SLC46A2: variants seen among roughly 807,000 people sequenced by gnomAD.
SLC46A2 encodes the protein solute carrier family 46 member 2, also known as thymic stromal co-transporter.
In SLC46A2, 25 loss-of-function variants were observed where a neutral mutation model predicts 33.1. The ratio of observed to expected loss-of-function variants is 0.76; its 90% CI spans 0.55 to 1.06. The LOEUF (loss-of-function observed/expected upper bound fraction) is 1.06, where lower values mean the gene tolerates loss of function less well. SLC46A2 is among the 50% of genes least tolerant of loss of function. The pLI is 0.00. For synonymous variants in SLC46A2, 254 were observed against 275.9 expected (o/e 0.92, Z 0.79); for missense variants, 622 against 621.7 (o/e 1.00, Z 0.00).
chr9:112,886,701 G>A (rs986551881), intron 2 of SLC46A2, 85 bp from the exon 3 acceptor site: 6 of 1,434,562 alleles, frequency 4.2e-6, no homozygotes, highest in African/African-American at 2.8e-5. Flanking sequence ...GAGTTCTTAG[G>A]GGACCCTTCC....
At chr9:112,889,311 C>T (rs1438422374) in intron 1 of SLC46A2, among the ~76,000 whole-genome samples, 1 of 152,090 alleles carries the variant, frequency 6.6e-6, no homozygotes, top group East Asian at 1.9e-4. Flanking sequence ...GACCACACCT[C>T]CTTGACTGCC....
At chr9:112,888,771 A>T (rs1226193334) in intron 1 of SLC46A2, among the ~76,000 whole-genome samples, 1 of 152,124 alleles carries the variant, frequency 6.6e-6, no homozygotes, top group African/African-American at 2.4e-5. Context: ...GAAGGCATTT[A>T]CCGAGTATTT....
intron 3 of SLC46A2, chr9:112,881,520 A>T (rs1158492197): frequency 6.6e-6 from 1 of 152,376 alleles, no homozygotes; most frequent in Non-Finnish European, 1.5e-5. Flanking sequence ...CACAGGCACA[A>T]GGCGATGGCC....
Position 112,889,957 on chromosome 9 carries a change from G to A in SLC46A2, c.725C>T (p.Ala242Val), listed in dbSNP as rs1481352087. 2 of 1,614,064 alleles carry A rather than the reference G, an allele frequency of 1.2e-6. No individual in the cohort carries two copies. The highest frequency in any genetic ancestry group is 2.7e-5 in the African/African-American group (2 of 74,940). Reference protein sequence around the residue: ...SVAKPSQELPAVDTVSGTVGT... With the variant: ...SVAKPSQELPVVDTVSGTVGT... Reference sequence around the variant, plus strand: ...AACCGTGCCAGACACGGTATCCACGGCGGGGAGCTCCTGGCTGGGTTTGGC... The same window carrying A: ...AACCGTGCCAGACACGGTATCCACGACGGGGAGCTCCTGGCTGGGTTTGGC... Residue 242 changes from alanine to valine, a missense_variant, in exon 1 of 4, where the codon GCC becomes GTC. By Grantham distance (64) the Ala-to-Val change is moderately conservative (BLOSUM62 0). Coordinates refer to ENST00000374228, the MANE Select transcript of SLC46A2 (RefSeq NM_033051.4).
intron 1 of SLC46A2, among the ~76,000 whole-genome samples, chr9:112,888,347 G>C (rs114989564): frequency 0.018 from 2,762 of 152,108 alleles, 88 homozygotes; most frequent in African/African-American, 0.061. Context: ...AAGGGGAAGG[G>C]GGTACTCTGT....
intron 3 of SLC46A2, among the ~76,000 whole-genome samples, 177 bp downstream of exon 3, chr9:112,886,283 A>T (rs1202799325): frequency 1.3e-5 from 2 of 152,216 alleles, no homozygotes; most frequent in East Asian, 3.8e-4. Flanking sequence ...TGAAATGGCC[A>T]CATTTTTAGT....
At chr9:112,888,433 C>A (rs1407400380) in intron 1 of SLC46A2, among the ~76,000 whole-genome samples, 1 of 152,194 alleles carries the variant, frequency 6.6e-6, no homozygotes, top group Non-Finnish European at 1.5e-5. Flanking sequence ...GTGTGACCTG[C>A]CTGGGCCAAG....
intron 1 of SLC46A2, 43 bp from the exon 2 acceptor site, chr9:112,887,456 C>A (rs746507327): frequency 6.5e-7 from 1 of 1,543,542 alleles, no homozygotes; most frequent in Non-Finnish European, 8.8e-7. Context: ...GTAGCCCAGC[C>A]TGGGCCAAGG....
At chr9:112,888,873 G>GTTTT (rs35381661) in intron 1 of SLC46A2, among the ~76,000 whole-genome samples, 344 of 139,262 alleles carry the variant, frequency 2.5e-3, no homozygotes, top group East Asian at 5.8e-3. Context: ...ACTCCTCCAC[G>GTTTT]TTTTTTTTTT....
rs185549243 is a variant in SLC46A2, at chr9:112,882,103, T to C, written c.1371-2284A>G. On this transcript the variant is annotated intron_variant, in intron 3 of 3. Coordinates refer to ENST00000374228, the MANE Select transcript of SLC46A2 (RefSeq NM_033051.4). ...ATAGTAAGACATTCATTTTTTGTTG[T>C]TGTTGTTTTTGTTTCTTTTTTGAGA... Among the ~76,000 whole-genome samples the C allele has an allele frequency of 1.7e-3, 252 of 152,142 alleles. 1 individual carries two copies. Among genetic ancestry groups the C allele is most frequent in the Middle Eastern group, 3.4e-3 (1 of 294 alleles).
chr9:112,879,462 T>A lies in SLC46A2; in HGVS notation c.*300A>T, dbSNP rs912329155. 1.3e-5 allele frequency: 4 copies of A among 298,370 alleles called. No individual in the cohort carries two copies. The highest frequency in any genetic ancestry group is 4.6e-5 in the Admixed American group (1 of 21,944). 18.5% of individuals were successfully genotyped at this position (298,370 alleles called of 1,614,324 possible). On this transcript the variant is annotated 3_prime_UTR_variant, in exon 4 of 4. Coordinates refer to ENST00000374228, the MANE Select transcript of SLC46A2 (RefSeq NM_033051.4). ...GGAGTCTGAAGCCCCTCACAGGGCC[T>A]GGGACTGCTGTGTGCAGCCTGCCTG...
rs564204197 is a variant in SLC46A2 at position 112,887,519 on chromosome 9, G to A, written c.1130-106C>T. 7 of 1,034,434 alleles carry A rather than the reference G, an allele frequency of 6.8e-6. No individual in the cohort carries two copies. In the African/African-American group the frequency reaches 1.1e-4, roughly 17 times the overall value. 64.1% of individuals were successfully genotyped at this position (1,034,434 alleles called of 1,614,324 possible). On this transcript the variant is annotated intron_variant, in intron 1 of 3. Coordinates refer to ENST00000374228, the MANE Select transcript of SLC46A2 (RefSeq NM_033051.4). ...ACCCCCATCTCCCCACAATCCGAAT[G>A]TGGCTTGACCTGGAGGAAGTCATTT...
intron 1 of SLC46A2, among the ~76,000 whole-genome samples, chr9:112,887,981 CAGAT>C (rs36136263): frequency 0.016 from 2,390 of 146,110 alleles, 44 homozygotes; most frequent in East Asian, 0.089. Context: ...ACAAGAGAGA[CAGAT>C]AGAGACAGAC....
At chr9:112,880,866 C>G (rs575140990) in intron 3 of SLC46A2, among the ~76,000 whole-genome samples, 136 of 152,254 alleles carry the variant, frequency 8.9e-4, no homozygotes, top group African/African-American at 2.9e-3. Flanking sequence ...AGGAACTTCT[C>G]TTACTCCAGG....
At chr9:112,879,898 G>T in intron 3 of SLC46A2, 79 bp from the exon 4 acceptor site, 1 of 1,367,296 alleles carries the variant, frequency 7.3e-7, no homozygotes, top group East Asian at 2.3e-5. Flanking sequence ...CAGGGTTAAT[G>T]ATAATTACAA....
chr9:112,887,413 G>A lies in SLC46A2; in HGVS notation c.1130C>T (p.Ala377Val). The change falls in exon 2 of 4, where the codon GCT (alanine) becomes GTT (valine). Residue 377 changes from alanine to valine, a missense_variant and splice_region_variant. Physicochemically the swap from Ala to Val is moderately conservative, Grantham distance 64. Coordinates refer to ENST00000374228, the MANE Select transcript of SLC46A2 (RefSeq NM_033051.4). ...FVKETYMFYI[A>V]RAVMLFALIP... Reference sequence around the variant, plus strand: ...GAGAGCAAACAGCATGACGGCTCGAGCTGAAAGAGATCACACAAGAACACT... The same window carrying A: ...GAGAGCAAACAGCATGACGGCTCGAACTGAAAGAGATCACACAAGAACACT... The A allele has an allele frequency of 6.2e-7, 1 of 1,606,110 alleles. No individual in the cohort carries two copies. Among genetic ancestry groups the A allele is most frequent in the Non-Finnish European group, 8.5e-7 (1 of 1,176,916 alleles).
intron 2 of SLC46A2, 52 bp downstream of exon 2, chr9:112,887,278 C>A: frequency 6.4e-7 from 1 of 1,568,722 alleles, no homozygotes; most frequent in Middle Eastern, 1.7e-4. Context: ...TGCTTAGCAG[C>A]TCTGAAACAG....
rs1827220652 is a variant in SLC46A2, at chr9:112,890,791, C to CTCCGTGCGCCGGGAGCGCGAGTGTGA, written c.-111_-110insTCACACTCGCGCTCCCGGCGCACGGA. 1.3e-6 allele frequency: 1 copy of CTCCGTGCGCCGGGAGCGCGAGTGTGA among 795,044 alleles called. No individual in the cohort carries two copies. Among genetic ancestry groups the CTCCGTGCGCCGGGAGCGCGAGTGTGA allele is most frequent in the African/African-American group, 2.4e-5 (1 of 41,536 alleles). The allele number at this position is 795,044 out of a possible 1,614,324, so 49.2% of individuals were successfully genotyped here. A position where few individuals can be genotyped will look rare whatever the true frequency, so the allele number is the denominator to read the frequency against. ...GTTTCAGTCCCGGAGCGCGAGTGTG[C>CTCCGTGCGCCGGGAGCGCGAGTGTGA]TCCGTGCGCCGGGAGCGCGAGTGTG... On this transcript the variant is annotated 5_prime_UTR_variant, in exon 1 of 4. Transcript: ENST00000374228. The surrounding 1 kb of genome is among the most constrained non-coding windows in gnomAD (Gnocchi z 6.0).
chr9:112,882,120 T>TA (rs1295075935), intron 3 of SLC46A2, among the ~76,000 whole-genome samples: 1 of 152,148 alleles, frequency 6.6e-6, no homozygotes, highest in Non-Finnish European at 1.5e-5. Context: ...TTTTGTTTCT[T>TA]TTTTGAGACA....
Sources: gnomAD v4.1 joint callset for allele counts (sites outside exome capture counted in the v4.1 genomes callset) on GRCh38, gnomAD v4.1.1 for gene constraint, Gnocchi (gnomAD v3.1) non-coding constraint, MANE v1.5 for transcripts, NCBI Gene and HGNC (gene_info 2026-07-23, HGNC 2026-07-21) for gene names.